The following SFXN5 variants were observed in gnomAD, a reference collection of about 807,000 sequenced individuals.
The protein encoded by SFXN5 is sideroflexin 5, also known as sideroflexin-5.
SFXN5 carries 43 observed loss-of-function variants against 50.2 expected under a neutral mutation model. The ratio of observed to expected loss-of-function variants is 0.86; its 90% confidence interval spans 0.67 to 1.11. The LOEUF is 1.11. Ranked by LOEUF, SFXN5 falls within the 50% of genes least tolerant of loss-of-function variation. The probability of loss-of-function intolerance (pLI) is 0.00; values close to 1 mark genes in which losing one functional copy is unlikely to be tolerated. For synonymous variants in SFXN5, 203 were observed against 185.8 expected (o/e 1.09, Z -0.75); for missense variants, 463 against 454.1 (o/e 1.02, Z -0.18).
At chr2:72,946,282 C>T (rs938279089) in intron 13 of SFXN5, among the ~76,000 whole-genome samples, 6 of 152,180 alleles carry the variant, frequency 3.9e-5, no homozygotes, top group Admixed American at 2.0e-4. Flanking sequence ...CCAGCAGCCA[C>T]GTTTCTTTAA....
At chr2:73,023,268 T>C in intron 3 of SFXN5, 54 bp from the exon 4 acceptor site, 2 of 1,526,840 alleles carry the variant, frequency 1.3e-6, no homozygotes, top group Admixed American at 3.8e-5. Context: ...AAAGCATATA[T>C]CGGTTTAAGG....
At position 73,050,420 on chromosome 2, in the gene SFXN5, A is replaced by ACACACACACACACACACACACC. The variant is rs1553523879; in HGVS notation, c.171+8107_171+8108insGGTGTGTGTGTGTGTGTGTGTG. Among the ~76,000 whole-genome samples the ACACACACACACACACACACACC allele has an allele frequency of 3.0e-3, 428 of 140,762 alleles. 7 individuals carry two copies. Among genetic ancestry groups the ACACACACACACACACACACACC allele is most frequent in the African/African-American group, 8.6e-3 (346 of 40,236 alleles). 92.3% of individuals were successfully genotyped at this position (140,762 alleles called of 152,430 possible). A position where few individuals can be genotyped will look rare whatever the true frequency, so the allele number is the denominator to read the frequency against. On this transcript the variant is annotated intron_variant, in intron 2 of 13. Transcript: ENST00000272433. ...CACACACACACACACACACACACAC[A>ACACACACACACACACACACACC]CCCCTGCAGAGTTAGCACCACATGG... is the stretch of plus-strand genomic sequence containing the variant.
chr2:73,023,728 G>A (rs1484520361), intron 3 of SFXN5, among the ~76,000 whole-genome samples: 2 of 152,186 alleles, frequency 1.3e-5, no homozygotes, highest in African/African-American at 4.8e-5. Context: ...ACACAGAGTC[G>A]TTTAAGGGGT....
intron 13 of SFXN5, among the ~76,000 whole-genome samples, chr2:72,955,026 G>A (rs1232325440): frequency 2.0e-5 from 3 of 152,180 alleles, no homozygotes; most frequent in South Asian, 4.1e-4. Context: ...CAGCCAGAGG[G>A]GCAGAGGGCA....
chr2:73,027,587 C>T (rs903090337), intron 3 of SFXN5, among the ~76,000 whole-genome samples: 2 of 152,234 alleles, frequency 1.3e-5, no homozygotes, highest in African/African-American at 4.8e-5. Flanking sequence ...CACTCACTCA[C>T]TCACTCAGAG....
rs568508419 is a variant in SFXN5, at chr2:72,944,956, A to G, written c.*66T>C. The G allele has an allele frequency of 8.8e-6, 13 of 1,471,826 alleles. No homozygotes were observed. The East Asian group carries it at 2.8e-4, about 32-fold the overall frequency. 91.2% of individuals were successfully genotyped at this position (1,471,826 alleles called of 1,614,324 possible). On this transcript the variant is annotated 3_prime_UTR_variant, in exon 14 of 14. Transcript: ENST00000272433. ...GCTGCTCCCTGCAGGTGCAGCCGTG[A>G]GTCTACGGCCCTGCCCCTCAGCTCC...
At chr2:73,022,169 G>A (rs773634167) in intron 5 of SFXN5, among the ~76,000 whole-genome samples, 2 of 152,194 alleles carry the variant, frequency 1.3e-5, no homozygotes, top group African/African-American at 4.8e-5. Context: ...CGGTGAGAGG[G>A]GGAATGACTT....
chr2:73,063,204 C>T (rs1213858969), intron 1 of SFXN5, among the ~76,000 whole-genome samples: 1 of 152,070 alleles, frequency 6.6e-6, no homozygotes, highest in Non-Finnish European at 1.5e-5. Context: ...AATTTTTCAG[C>T]AAACATTTGG....
intron 2 of SFXN5, among the ~76,000 whole-genome samples, chr2:73,056,718 C>T (rs1485898276): frequency 2.0e-5 from 3 of 151,246 alleles, no homozygotes. Context: ...AACAAAAAGT[C>T]TGTCAAGACA....
chr2:73,060,276 A>C (rs1006777425), intron 1 of SFXN5, among the ~76,000 whole-genome samples: 6 of 152,216 alleles, frequency 3.9e-5, no homozygotes, highest in Non-Finnish European at 8.8e-5. Context: ...ATATGTTAAA[A>C]GGATCAACGA....
intron 6 of SFXN5, among the ~76,000 whole-genome samples, chr2:73,009,426 G>A (rs1675201052): frequency 1.3e-5 from 2 of 152,300 alleles, no homozygotes; most frequent in Admixed American, 6.5e-5. Flanking sequence ...GTGCCAAGGT[G>A]GGAGGCCCAG....
chr2:72,970,314 G>A (rs1199147581), intron 11 of SFXN5, among the ~76,000 whole-genome samples: 1 of 152,204 alleles, frequency 6.6e-6, no homozygotes, highest in Admixed American at 6.5e-5. Flanking sequence ...CCAGTCTCTG[G>A]AACAGGTATG....
intron 6 of SFXN5, among the ~76,000 whole-genome samples, chr2:73,013,104 T>C (rs1408147996): frequency 1.3e-5 from 2 of 152,128 alleles, no homozygotes; most frequent in African/African-American, 2.4e-5. Flanking sequence ...ATTTGACAGC[T>C]GGGATATGCA....
At chr2:73,036,647 C>G (rs1474375342) in intron 3 of SFXN5, among the ~76,000 whole-genome samples, 1 of 152,080 alleles carries the variant, frequency 6.6e-6, no homozygotes. Context: ...ATTCCCCAAA[C>G]TCTGGGAGCT....
At chr2:73,061,292 A>C (rs1399146754) in intron 1 of SFXN5, among the ~76,000 whole-genome samples, 1 of 149,954 alleles carries the variant, frequency 6.7e-6, no homozygotes, top group Non-Finnish European at 1.5e-5. Flanking sequence ...TAGGCGACAG[A>C]GCAAGACTCT....
At chr2:73,069,354 T>A (rs1462766225) in intron 1 of SFXN5, among the ~76,000 whole-genome samples, 1 of 152,060 alleles carries the variant, frequency 6.6e-6, no homozygotes, top group Non-Finnish European at 1.5e-5. Context: ...GAGAGCTGTG[T>A]AAGAGGTAAG....
rs1285847511 is a variant in SFXN5, at chr2:72,968,159, A to T, written c.827+289T>A. Among the ~76,000 whole-genome samples the T allele has an allele frequency of 5.3e-5, 8 of 151,322 alleles. No homozygotes were observed. The South Asian group carries it at 1.5e-3, about 28-fold the overall frequency. On this transcript the variant is annotated intron_variant, in intron 12 of 13. Transcript: ENST00000272433. ...CACACACACACACACACACACACAC[A>T]CACACACACAACTGCCAGCTCCTCA...
In SFXN5 at chr2:72,953,620, TC is replaced by T. The variant is rs1038199160; in HGVS notation, c.945+7510del. Among the ~76,000 whole-genome samples the T allele has an allele frequency of 6.6e-6, 1 of 152,080 alleles. No homozygotes were observed. Among genetic ancestry groups the T allele is most frequent in the Non-Finnish European group, 1.5e-5 (1 of 68,010 alleles). On this transcript the variant is annotated intron_variant, in intron 13 of 13. Coordinates refer to ENST00000272433, the MANE Select transcript of SFXN5 (RefSeq NM_144579.3). The surrounding 1 kb of genome is among the most constrained non-coding windows in gnomAD (Gnocchi z 4.1). ...TCATGGAAGGGAGAAAGGTCTACTG[TC>T]CTAAGGGGGAAGATGGAACACAGAA...
At chr2:72,981,969 G>GTGTC (rs766925262) in intron 10 of SFXN5, among the ~76,000 whole-genome samples, 1 of 132,416 alleles carries the variant, frequency 7.6e-6, no homozygotes, top group African/African-American at 3.4e-5. Flanking sequence ...GGAACTTTGT[G>GTGTC]TGTGTGTGTG....
Sources: gnomAD v4.1 joint callset for allele counts (sites outside exome capture counted in the v4.1 genomes callset) on GRCh38, gnomAD v4.1.1 for gene constraint, Gnocchi (gnomAD v3.1) non-coding constraint, MANE v1.5 for transcripts, NCBI Gene and HGNC (gene_info 2026-07-23, HGNC 2026-07-21) for gene names.